Variants in TMEM120A observed in about 807,000 individuals in gnomAD.
TMEM120A encodes transmembrane protein 120A, also known as ion channel TACAN.
In TMEM120A, 45 loss-of-function variants were observed where a neutral mutation model predicts 54.3. That is an observed-to-expected ratio of 0.83 (90% CI 0.65 to 1.06). TMEM120A has a LOEUF of 1.06. Among genes scored for constraint, TMEM120A ranks in the 50% least tolerant of loss-of-function variants. The pLI is 0.00. For missense variants in TMEM120A, 424 were observed against 441.7 expected, an observed-to-expected ratio of 0.96 and a Z score of 0.36; for synonymous variants, 204 against 178.5, an observed-to-expected ratio of 1.14 and a Z score of -1.14.
In TMEM120A at chr7:75,987,096, T is replaced by C. The variant is rs1554559812; in HGVS notation, c.*76A>G. 1 of 1,257,398 alleles carries C rather than the reference T, an allele frequency of 8.0e-7. No homozygotes were observed. The highest frequency in any genetic ancestry group is 1.1e-6 in the Non-Finnish European group (1 of 880,028). The allele number at this position is 1,257,398 out of a possible 1,614,324, so 77.9% of individuals were successfully genotyped here. On this transcript the variant is annotated 3_prime_UTR_variant, in exon 12 of 12. Transcript: ENST00000493111. Reference sequence around the variant, plus strand: ...AAGAGACCCCCTGATACACGCACACTCGAGGGGCGCCTCCCATCCCCTCCC... The same window carrying C: ...AAGAGACCCCCTGATACACGCACACCCGAGGGGCGCCTCCCATCCCCTCCC...
Position 75,987,092 on chromosome 7 carries a change from A to G in TMEM120A, c.*80T>C, listed in dbSNP as rs1464094186. ...ATAGAAGAGACCCCCTGATACACGC[A>G]CACTCGAGGGGCGCCTCCCATCCCC... On this transcript the variant is annotated 3_prime_UTR_variant, in exon 12 of 12. Coordinates refer to ENST00000493111, the MANE Select transcript of TMEM120A (RefSeq NM_031925.3). The G allele has an allele frequency of 5.0e-6, 6 of 1,195,352 alleles. No individual in the cohort carries two copies. Among genetic ancestry groups the G allele is most frequent in the Admixed American group, 2.0e-5 (1 of 49,394 alleles). 74.0% of individuals were successfully genotyped at this position (1,195,352 alleles called of 1,614,324 possible).
rs544099397 is a variant in TMEM120A, at chr7:75,992,560, G to A, written c.82-3C>T. On this transcript the variant is annotated splice_polypyrimidine_tract_variant and splice_region_variant and intron_variant, in intron 1 of 11. Transcript: ENST00000493111. ...AGGCGGTAGAGCCGATGGGTCTCCT[G>A]GGGGCCGGAGGGGAGAGGCTCAGGC... The A allele has an allele frequency of 1.3e-6, 2 of 1,559,666 alleles. No homozygotes were observed. Among genetic ancestry groups the A allele is most frequent in the African/African-American group, 2.7e-5 (2 of 73,718 alleles).
At position 75,987,093 on chromosome 7, in the gene TMEM120A, C is replaced by A. The variant is rs1554559810; in HGVS notation, c.*79G>T. 4.9e-6 allele frequency: 6 copies of A among 1,215,582 alleles called. No individual in the cohort carries two copies. The highest frequency in any genetic ancestry group is 7.1e-6 in the Non-Finnish European group (6 of 843,148). 75.3% of individuals were successfully genotyped at this position (1,215,582 alleles called of 1,614,324 possible). The stretch of plus-strand genomic sequence containing the variant: ...TAGAAGAGACCCCCTGATACACGCA[C>A]ACTCGAGGGGCGCCTCCCATCCCCT... On this transcript the variant is annotated 3_prime_UTR_variant, in exon 12 of 12. Coordinates refer to ENST00000493111, the MANE Select transcript of TMEM120A (RefSeq NM_031925.3).
At position 75,987,825 on chromosome 7, in the gene TMEM120A, G is replaced by A. The variant is rs1448413719; in HGVS notation, c.692-15C>T. 2 of 1,609,664 alleles carry A rather than the reference G, an allele frequency of 1.2e-6. No homozygotes were observed. Among genetic ancestry groups the A allele is most frequent in the Non-Finnish European group, 1.7e-6 (2 of 1,178,672 alleles). On this transcript the variant is annotated splice_polypyrimidine_tract_variant and intron_variant, in intron 8 of 11. Transcript: ENST00000493111. Reference sequence around the variant, plus strand: ...CTGCACGAAGCCTGGGCCGGGCGGAGGACAGAGGAGCAGGGCTGAGCCCCG... The same window carrying A: ...CTGCACGAAGCCTGGGCCGGGCGGAAGACAGAGGAGCAGGGCTGAGCCCCG...
intron 4 of TMEM120A, 70 bp from the exon 5 acceptor site, chr7:75,988,586 G>A (rs1585141415): frequency 4.6e-6 from 5 of 1,098,496 alleles, no homozygotes; most frequent in Non-Finnish European, 6.7e-6. Flanking sequence ...CCCCGGGAGG[G>A]CAGCTGAGCC....
Position 75,986,905 on chromosome 7 carries a change from T to TAACTA in TMEM120A, c.*262_*266dup, listed in dbSNP as rs1307340959. ...TCTGGGACCTCCACCTGCATCAACT[T>TAACTA]AACTAACTCAGACCCCAGGAACCCA... is the stretch of plus-strand genomic sequence containing the variant. On this transcript the variant is annotated 3_prime_UTR_variant, in exon 12 of 12. Transcript: ENST00000493111. 2.7e-5 allele frequency: 16 copies of TAACTA among 586,626 alleles called. No individual in the cohort carries two copies. Among genetic ancestry groups the TAACTA allele is most frequent in the Non-Finnish European group, 4.2e-5 (14 of 332,140 alleles). The allele number at this position is 586,626 out of a possible 1,614,324, so 36.3% of individuals were successfully genotyped here.
chr7:75,990,792 C>T (rs139606068), intron 3 of TMEM120A, among the ~76,000 whole-genome samples: 6,662 of 150,194 alleles, frequency 0.044, 187 homozygotes, highest in Middle Eastern at 0.079. Context: ...CCAGCTACTC[C>T]GGAGGCTGAG....
Position 75,987,184 on chromosome 7 carries a change from G to C in TMEM120A, c.1020C>G (p.Ser340Arg), listed in dbSNP as rs782740517. The C allele has an allele frequency of 6.2e-7, 1 of 1,601,436 alleles. No individual in the cohort carries two copies. The highest frequency in any genetic ancestry group is 8.5e-7 in the Non-Finnish European group (1 of 1,174,932). Residue 340 changes from serine to arginine, a missense_variant, in exon 12 of 12, where the codon AGC (serine) becomes AGG (arginine). Transcript: ENST00000493111. Reference sequence around the variant, plus strand: ...GGAAGGCCCAGCCTCAATCCTTCTTGCTCCCGTGCCGCTGACTGTGAAACT... The same window carrying C: ...GGAAGGCCCAGCCTCAATCCTTCTTCCTCCCGTGCCGCTGACTGTGAAACT... ...HHKFHSQRHG[S>R]KKD
chr7:75,992,809 T>A (rs1554562181), intron 1 of TMEM120A, among the ~76,000 whole-genome samples: 1 of 152,126 alleles, frequency 6.6e-6, no homozygotes. Context: ...TGTTTTTGTT[T>A]TTGTTTTTGT....
intron 3 of TMEM120A, among the ~76,000 whole-genome samples, chr7:75,989,511 A>T (rs1355422026): frequency 6.7e-6 from 1 of 148,688 alleles, no homozygotes; most frequent in Non-Finnish European, 1.5e-5. Flanking sequence ...GCACCAAGAG[A>T]ACCCGGCTCT....
chr7:75,989,402 C>A (rs932036884), intron 3 of TMEM120A, among the ~76,000 whole-genome samples, 178 bp from the exon 4 acceptor site: 2 of 151,672 alleles, frequency 1.3e-5, no homozygotes, highest in Non-Finnish European at 2.9e-5. Flanking sequence ...CCCTGCCATG[C>A]CCAGCCTTCC....
At chr7:75,994,455 C>A (rs1236859601) in intron 1 of TMEM120A, 35 bp downstream of exon 1, 2 of 1,542,822 alleles carry the variant, frequency 1.3e-6, no homozygotes, top group South Asian at 1.2e-5. Flanking sequence ...CGAGACGCGG[C>A]TCGGGGGCGA....
rs782199373 is a variant in TMEM120A at position 75,987,552 on chromosome 7, G to GAA, written c.833_834dup (p.Leu279PhefsTer14). Reference sequence around the variant, plus strand: ...GCACGACTTACGTGTCCAAAGAAAAGAAAAGGCAGCAGGAAGGTGAGGCCC... The same window carrying GAA: ...GCACGACTTACGTGTCCAAAGAAAAGAAAAAAGGCAGCAGGAAGGTGAGGCCC... On this transcript the variant is annotated frameshift_variant, in exon 10 of 12. Coordinates refer to ENST00000493111, the MANE Select transcript of TMEM120A (RefSeq NM_031925.3). LOFTEE classifies it high-confidence loss of function. 3.8e-6 allele frequency: 6 copies of GAA among 1,595,826 alleles called. No individual in the cohort carries two copies. In the East Asian group the frequency reaches 1.4e-4, roughly 36 times the overall value.
intron 3 of TMEM120A, among the ~76,000 whole-genome samples, chr7:75,990,693 G>C (rs1262960725): frequency 6.6e-6 from 1 of 151,944 alleles, no homozygotes; most frequent in Non-Finnish European, 1.5e-5. Context: ...AGACCAGCCT[G>C]ACCAACATGG....
Position 75,986,853 on chromosome 7 carries a change from G to A in TMEM120A, c.*319C>T, listed in dbSNP as rs2286824. ...CCCTTGGAATAAAGTTCTGTTTTCT[G>A]TATTTGCCTGGTATTGTGTGAGTAG... is the stretch of plus-strand genomic sequence containing the variant. On this transcript the variant is annotated 3_prime_UTR_variant, in exon 12 of 12. Coordinates refer to ENST00000493111, the MANE Select transcript of TMEM120A (RefSeq NM_031925.3). The A allele has an allele frequency of 2.2e-3, 1,240 of 575,962 alleles. 22 individuals are homozygous for A. In the East Asian group the frequency reaches 0.034, roughly 16 times the overall value. The allele number at this position is 575,962 out of a possible 1,614,324, so 35.7% of individuals were successfully genotyped here.
chr7:75,991,541 G>A (rs1554561785), intron 3 of TMEM120A, among the ~76,000 whole-genome samples: 1 of 152,134 alleles, frequency 6.6e-6, no homozygotes, highest in East Asian at 1.9e-4. Flanking sequence ...AAGTAGCTGG[G>A]ATTACAGGTG....
rs1563445001 is a variant in TMEM120A, at chr7:75,992,512, G to A, written c.127C>T (p.Leu43Phe). Reference protein sequence around the residue: ...YRLKLEELTKLQNNCTSSITR... With the variant: ...YRLKLEELTKFQNNCTSSITR... ...ATGGAGCTGGTGCAATTGTTCTGAA[G>A]TTTGGTCAGCTCCTCCAGCTTCAGG... The change falls in exon 2 of 12, where the codon CTT becomes TTT. Residue 43 changes from leucine to phenylalanine, a missense_variant. Coordinates refer to ENST00000493111, the MANE Select transcript of TMEM120A (RefSeq NM_031925.3). 1 of 1,592,918 alleles carries A rather than the reference G, an allele frequency of 6.3e-7. No individual in the cohort carries two copies. Among genetic ancestry groups the A allele is most frequent in the Non-Finnish European group, 8.5e-7 (1 of 1,170,126 alleles).
rs182851529 is a variant in TMEM120A at position 75,989,258 on chromosome 7, C to T, written c.318-34G>A. 590 of 1,437,772 alleles carry T rather than the reference C, an allele frequency of 4.1e-4. 8 individuals carry two copies. The East Asian group carries it at 0.013, about 31-fold the overall frequency. The allele number at this position is 1,437,772 out of a possible 1,614,324, so 89.1% of individuals were successfully genotyped here. On this transcript the variant is annotated intron_variant, in intron 3 of 11. Coordinates refer to ENST00000493111, the MANE Select transcript of TMEM120A (RefSeq NM_031925.3). ...GGGGGTGGCGGGGTGAGGAGAAGCC[C>T]GAGTGACAGACAAGCCACCGGTACT... is the stretch of plus-strand genomic sequence containing the variant.
At chr7:75,987,849 C>T (rs539631665) in intron 8 of TMEM120A, 39 bp from the exon 9 acceptor site, 48 of 1,602,938 alleles carry the variant, frequency 3.0e-5, no homozygotes, top group Admixed American at 2.7e-4. Flanking sequence ...GGCTGAGCCC[C>T]GGGAGGGGTT....
Sources: allele counts gnomAD v4.1 joint callset (sites outside exome capture counted in the v4.1 genomes callset), GRCh38; gene constraint gnomAD v4.1.1; transcripts MANE v1.5; gene names NCBI Gene and HGNC (gene_info 2026-07-23, HGNC 2026-07-21).